MEIS2: variants seen among roughly 807,000 people sequenced by gnomAD.
MEIS2 encodes homeobox protein Meis2.
In MEIS2, 9 loss-of-function variants were observed where a neutral mutation model predicts 58.6. The ratio of observed to expected loss-of-function variants is 0.15; its 90% confidence interval spans 0.09 to 0.27. The LOEUF is 0.27. Ranked by LOEUF, MEIS2 falls within the 10% of genes least tolerant of loss-of-function variation. MEIS2 has a pLI of 1.00. For missense variants in MEIS2, 427 were observed against 635.0 expected, an observed-to-expected ratio of 0.67 and a Z score of 3.52; for synonymous variants, 221 against 228.4, an observed-to-expected ratio of 0.97 and a Z score of 0.29.
chr15:36,952,770 T>G (rs2058808472), intron 8 of MEIS2, among the ~76,000 whole-genome samples: 1 of 152,142 alleles, frequency 6.6e-6, no homozygotes, highest in Non-Finnish European at 1.5e-5. Flanking sequence ...ATTGTAAATT[T>G]TGTAAATTCT....
intron 8 of MEIS2, among the ~76,000 whole-genome samples, chr15:37,031,679 C>T (rs1193614389): frequency 6.6e-6 from 1 of 152,054 alleles, no homozygotes; most frequent in Non-Finnish European, 1.5e-5. Context: ...TGAGTAAACA[C>T]CTGAGAGGTG....
At chr15:36,934,149 T>C (rs1449125356) in intron 9 of MEIS2, among the ~76,000 whole-genome samples, 1 of 152,214 alleles carries the variant, frequency 6.6e-6, no homozygotes, top group Non-Finnish European at 1.5e-5. Flanking sequence ...CAATTTCTCA[T>C]GTTTAAAATT....
chr15:37,017,307 T>C (rs2061381876), intron 8 of MEIS2, among the ~76,000 whole-genome samples: 1 of 152,078 alleles, frequency 6.6e-6, no homozygotes, highest in African/African-American at 2.4e-5. Context: ...AGAATAATCG[T>C]CTACACAGAG....
At chr15:37,021,732 G>T (rs1323603117) in intron 8 of MEIS2, among the ~76,000 whole-genome samples, 1 of 151,822 alleles carries the variant, frequency 6.6e-6, no homozygotes, top group Admixed American at 6.6e-5. Flanking sequence ...TTATTATTCT[G>T]TATTATCAAT....
intron 8 of MEIS2, among the ~76,000 whole-genome samples, chr15:36,970,273 G>C (rs1719908): frequency 1.1e-3 from 160 of 151,920 alleles, no homozygotes; most frequent in Non-Finnish European, 1.9e-3. Flanking sequence ...GCGTGGTGGC[G>C]GGCGCCTGTA....
intron 7 of MEIS2, among the ~76,000 whole-genome samples, chr15:37,070,938 C>T (rs904120165): frequency 8.6e-5 from 13 of 151,830 alleles, no homozygotes; most frequent in African/African-American, 2.9e-4. Flanking sequence ...TCAAACAGGC[C>T]GTATTTCAGG....
At chr15:36,993,886 G>A (rs866390021) in intron 8 of MEIS2, among the ~76,000 whole-genome samples, 8 of 151,960 alleles carry the variant, frequency 5.3e-5, no homozygotes, top group African/African-American at 9.7e-5. Flanking sequence ...ACATTTTTAC[G>A]AACAAAATCT....
intron 8 of MEIS2, among the ~76,000 whole-genome samples, chr15:37,011,774 C>G (rs987108613): frequency 6.6e-6 from 1 of 151,834 alleles, no homozygotes; most frequent in Non-Finnish European, 1.5e-5. Context: ...CGTGTACCAC[C>G]ACACCTGGCT....
chr15:37,004,393 A>C (rs574411428), intron 8 of MEIS2, among the ~76,000 whole-genome samples: 83 of 152,380 alleles, frequency 5.4e-4, no homozygotes, highest in African/African-American at 2.0e-3. Context: ...GTTCAAGCAC[A>C]AAACAGCCTG....
At chr15:37,008,601 T>C (rs1278045855) in intron 8 of MEIS2, among the ~76,000 whole-genome samples, 2 of 152,244 alleles carry the variant, frequency 1.3e-5, no homozygotes, top group African/African-American at 4.8e-5. Flanking sequence ...AGACTTTCAC[T>C]CACTTTAATA....
chr15:36,891,072 C>A lies in MEIS2; in HGVS notation c.*1101G>T, dbSNP rs2055823905. 8.8e-6 allele frequency: 1 copy of A among 113,156 alleles called. No homozygotes were observed. Among genetic ancestry groups the A allele is most frequent in the Non-Finnish European group, 1.8e-5 (1 of 54,758 alleles). The allele number at this position is 113,156 out of a possible 1,614,324, so 7.0% of individuals were successfully genotyped here. A position where few individuals can be genotyped will look rare whatever the true frequency, so the allele number is the denominator to read the frequency against. Reference sequence around the variant, plus strand: ...TATTACCGCTTTTTGTGACTTAACACCTTTTTTTTTTTAACATAACGTCAC... The same window carrying A: ...TATTACCGCTTTTTGTGACTTAACAACTTTTTTTTTTTAACATAACGTCAC... On this transcript the variant is annotated 3_prime_UTR_variant, in exon 12 of 12. Coordinates refer to ENST00000561208, the MANE Select transcript of MEIS2 (RefSeq NM_170675.5).
chr15:37,049,283 T>C (rs1014190583), intron 7 of MEIS2, among the ~76,000 whole-genome samples: 2 of 152,152 alleles, frequency 1.3e-5, no homozygotes, highest in African/African-American at 2.4e-5. Flanking sequence ...CCCTATAAAG[T>C]ACATGGAAAA....
At chr15:37,022,642 G>GT in intron 8 of MEIS2, among the ~76,000 whole-genome samples, 1 of 152,026 alleles carries the variant, frequency 6.6e-6, no homozygotes, top group Non-Finnish European at 1.5e-5. Flanking sequence ...TCACTTCATT[G>GT]TTTTTTCTTT....
At chr15:37,030,717 A>G (rs893362411) in intron 8 of MEIS2, among the ~76,000 whole-genome samples, 2 of 151,880 alleles carry the variant, frequency 1.3e-5, no homozygotes, top group Non-Finnish European at 2.9e-5. Flanking sequence ...CAGTGCCGTG[A>G]TCATGGCTCC....
Position 37,099,716 on chromosome 15 carries a change from C to T in MEIS2, c.-250G>A. On this transcript the variant is annotated 5_prime_UTR_variant, in exon 1 of 12. Transcript: ENST00000561208. ...TCCTCCTCCTCCTGATCTTCCTCCTCCTCCTCCACCTCCTCCTCCTCCCCC... is the reference window on the plus strand; with the variant it reads ...TCCTCCTCCTCCTGATCTTCCTCCTTCTCCTCCACCTCCTCCTCCTCCCCC... 2.3e-6 allele frequency: 1 copy of T among 444,320 alleles called. No homozygotes were observed. Among genetic ancestry groups the T allele is most frequent in the African/African-American group, 2.0e-5 (1 of 49,630 alleles). The allele number at this position is 444,320 out of a possible 1,614,324, so 27.5% of individuals were successfully genotyped here. A position where few individuals can be genotyped will look rare whatever the true frequency, so the allele number is the denominator to read the frequency against.
At chr15:37,023,399 T>C (rs1398683631) in intron 8 of MEIS2, among the ~76,000 whole-genome samples, 1 of 152,260 alleles carries the variant, frequency 6.6e-6, no homozygotes, top group Non-Finnish European at 1.5e-5. Flanking sequence ...TGTAGCTTTA[T>C]GATACATTTT....
intron 8 of MEIS2, among the ~76,000 whole-genome samples, chr15:37,034,602 G>C (rs755328902): frequency 2.2e-4 from 34 of 152,168 alleles, no homozygotes; most frequent in Non-Finnish European, 5.9e-5. Context: ...TGCCGCCCTG[G>C]GCAGGGAGGT....
chr15:37,083,752 A>T lies in MEIS2; in HGVS notation c.754+19T>A, dbSNP rs1455824737. ...TTAGTCATGCCTACTTTGCACGAGG[A>T]AAATGTTTGACCTTTTACCTTGCTC... is the stretch of plus-strand genomic sequence containing the variant. On this transcript the variant is annotated intron_variant, in intron 7 of 11. Transcript: ENST00000561208. 1 of 1,603,008 alleles carries T rather than the reference A, an allele frequency of 6.2e-7. No individual in the cohort carries two copies. The highest frequency in any genetic ancestry group is 1.3e-5 in the African/African-American group (1 of 74,500).
intron 7 of MEIS2, among the ~76,000 whole-genome samples, chr15:37,049,248 C>T (rs73393593): frequency 0.066 from 10,030 of 151,962 alleles, 655 homozygotes; most frequent in East Asian, 0.19. Flanking sequence ...ATAGCCTATA[C>T]AGGAAAGAAC....
Sources: gnomAD v4.1 joint callset for allele counts (sites outside exome capture counted in the v4.1 genomes callset) on GRCh38, gnomAD v4.1.1 for gene constraint, MANE v1.5 for transcripts, NCBI Gene and HGNC (gene_info 2026-07-23, HGNC 2026-07-21) for gene names.